The following FAM107B variants were observed in gnomAD, a reference collection of about 807,000 sequenced individuals.
The protein encoded by FAM107B is family with sequence similarity 107 member B.
In FAM107B, 21 loss-of-function variants were observed where a neutral mutation model predicts 31.5. The ratio of observed to expected loss-of-function variants is 0.67; its 90% confidence interval spans 0.47 to 0.96. FAM107B has a LOEUF of 0.96. Ranked by LOEUF, FAM107B falls within the 40% of genes least tolerant of loss-of-function variation. The pLI is 0.00. For synonymous variants in FAM107B, 157 were observed against 141.5 expected (o/e 1.11, Z -0.78); for missense variants, 452 against 377.1 (o/e 1.20, Z -1.64).
Position 14,741,821 on chromosome 10 carries a change from C to T in FAM107B, c.411+32432G>A, listed in dbSNP as rs1027054526. On this transcript the variant is annotated intron_variant, in intron 1 of 4. Coordinates refer to ENST00000181796, the MANE Select transcript of FAM107B (RefSeq NM_031453.4). ...CTGCAAGCTCCGCCTCCTGGGTTCA[C>T]GCCATTCTCCTGCCTCAGCCTCCAC... 8.1e-5 allele frequency among the ~76,000 whole-genome samples: 12 copies of T among 148,510 alleles called. No homozygotes were observed. The East Asian group carries it at 1.0e-3, about 13-fold the overall frequency.
intron 2 of FAM107B, among the ~76,000 whole-genome samples, chr10:14,634,239 AC>A (rs1272269121): frequency 2.0e-5 from 3 of 150,798 alleles, no homozygotes; most frequent in African/African-American, 7.4e-5. Flanking sequence ...TACTAAAATT[AC>A]AAAAAAAAAA....
chr10:14,731,027 G>A lies in FAM107B; in HGVS notation c.411+43226C>T, dbSNP rs1165290946. Among the ~76,000 whole-genome samples the A allele has an allele frequency of 2.6e-5, 4 of 152,182 alleles. No individual in the cohort carries two copies. In the East Asian group the frequency reaches 7.7e-4, roughly 29 times the overall value. ...GGTGCTGTCACCATGACTGGAATCA[G>A]GGAGAGGGCTTAGCAGGCACAGGCG... On this transcript the variant is annotated intron_variant, in intron 1 of 4. Coordinates refer to ENST00000181796, the MANE Select transcript of FAM107B (RefSeq NM_031453.4).
intron 2 of FAM107B, among the ~76,000 whole-genome samples, chr10:14,577,160 C>T (rs1851490816): frequency 6.6e-6 from 1 of 152,244 alleles, no homozygotes; most frequent in South Asian, 2.1e-4. Context: ...CAGGGCCCAA[C>T]TGAGACAATA....
At chr10:14,610,608 G>A (rs1259311578) in intron 2 of FAM107B, among the ~76,000 whole-genome samples, 4 of 152,174 alleles carry the variant, frequency 2.6e-5, no homozygotes, top group African/African-American at 9.7e-5. Flanking sequence ...ATAGTACTTA[G>A]GAAGGATCAA....
chr10:14,717,285 T>A (rs1216073429), intron 1 of FAM107B, among the ~76,000 whole-genome samples: 1 of 152,174 alleles, frequency 6.6e-6, no homozygotes, highest in East Asian at 1.9e-4. Flanking sequence ...CAGGGCTCTC[T>A]AGAGGGACAG....
At chr10:14,564,421 G>A (rs952765547) in intron 2 of FAM107B, among the ~76,000 whole-genome samples, 5 of 150,924 alleles carry the variant, frequency 3.3e-5, no homozygotes, top group Non-Finnish European at 7.4e-5. Context: ...TTTCAAAGCA[G>A]ATACTGCAGG....
chr10:14,588,668 C>G (rs566632048), intron 2 of FAM107B, among the ~76,000 whole-genome samples: 2 of 152,206 alleles, frequency 1.3e-5, no homozygotes, highest in South Asian at 4.1e-4. Flanking sequence ...ACATCCTCTC[C>G]CATGCCACAG....
chr10:14,531,786 G>A (rs1183333813), intron 2 of FAM107B, among the ~76,000 whole-genome samples: 1 of 152,152 alleles, frequency 6.6e-6, no homozygotes, highest in Non-Finnish European at 1.5e-5. Context: ...AGTGAGCCGA[G>A]ATCGCACCAT....
intron 1 of FAM107B, among the ~76,000 whole-genome samples, chr10:14,769,815 A>G (rs925794171): frequency 6.6e-6 from 1 of 152,252 alleles, no homozygotes. Context: ...CTATAGGAAG[A>G]CATTCTCAAA....
In FAM107B at chr10:14,626,499, C is replaced by CTTTTTTTTTTTTTTTTTTTT. The variant is rs71505032; in HGVS notation, c.469+41134_469+41135insAAAAAAAAAAAAAAAAAAAA. ...ACAAACTGTGGAATTTGAGGCGGAT[C>CTTTTTTTTTTTTTTTTTTTT]TTTTTTTTCTTTTTTTTTTTTTGAG... On this transcript the variant is annotated intron_variant, in intron 2 of 4. Coordinates refer to ENST00000181796, the MANE Select transcript of FAM107B (RefSeq NM_031453.4). Among the ~76,000 whole-genome samples, 3 of 109,042 alleles carry CTTTTTTTTTTTTTTTTTTTT rather than the reference C, an allele frequency of 2.8e-5. 1 individual carries two copies. 71.5% of individuals were successfully genotyped at this position (109,042 alleles called of 152,430 possible).
intron 2 of FAM107B, among the ~76,000 whole-genome samples, chr10:14,557,522 T>A (rs1171115777): frequency 3.3e-5 from 5 of 152,200 alleles, no homozygotes; most frequent in Non-Finnish European, 5.9e-5. Flanking sequence ...TGTGCTCTAC[T>A]GTAATGTCTT....
chr10:14,770,970 T>C (rs1343435755), intron 1 of FAM107B, among the ~76,000 whole-genome samples: 1 of 91,410 alleles, frequency 1.1e-5, no homozygotes, highest in Non-Finnish European at 1.9e-5. Context: ...TGTCTGAGGC[T>C]GAACTAAAAA....
In FAM107B at chr10:14,566,009, A is replaced by G. The variant is rs568698073; in HGVS notation, c.470-35494T>C. Among the ~76,000 whole-genome samples the G allele has an allele frequency of 6.6e-5, 10 of 152,214 alleles. No homozygotes were observed. The East Asian group carries it at 1.7e-3, about 26-fold the overall frequency. On this transcript the variant is annotated intron_variant, in intron 2 of 4. Transcript: ENST00000181796. ...GCAGCACTGGCTTCATGGGCATGGG[A>G]CCTTCACAGCCCCCATGCCTGAGGG...
At chr10:14,591,375 G>C (rs11259209) in intron 2 of FAM107B, among the ~76,000 whole-genome samples, 3 of 151,968 alleles carry the variant, frequency 2.0e-5, no homozygotes, top group African/African-American at 7.3e-5. Context: ...AGAAGACCGT[G>C]CAAACGGTAA....
chr10:14,701,714 GTTT>G (rs111354098), intron 1 of FAM107B, among the ~76,000 whole-genome samples: 1 of 146,292 alleles, frequency 6.8e-6, no homozygotes, highest in Non-Finnish European at 1.5e-5. Flanking sequence ...GCAAAGAGTT[GTTT>G]TTTTTTTTTC....
intron 2 of FAM107B, among the ~76,000 whole-genome samples, chr10:14,624,831 A>G (rs1251532120): frequency 1.3e-5 from 2 of 152,258 alleles, no homozygotes; most frequent in Non-Finnish European, 2.9e-5. Flanking sequence ...GCAGAAGCAC[A>G]TACATAAGGA....
At chr10:14,681,662 G>GGAGGAC (rs1363130503) in intron 1 of FAM107B, among the ~76,000 whole-genome samples, 3 of 152,190 alleles carry the variant, frequency 2.0e-5, no homozygotes, top group African/African-American at 7.2e-5. Flanking sequence ...ACCACTGGAT[G>GGAGGAC]GAGGACGTGG....
intron 2 of FAM107B, among the ~76,000 whole-genome samples, chr10:14,649,640 C>A (rs149550221): frequency 2.6e-5 from 4 of 152,328 alleles, no homozygotes; most frequent in East Asian, 3.9e-4. Context: ...GGACACCCCC[C>A]ACTTCGAGTT....
intron 1 of FAM107B, among the ~76,000 whole-genome samples, chr10:14,751,820 G>A (rs1001343038): frequency 6.6e-6 from 1 of 152,010 alleles, no homozygotes; most frequent in Non-Finnish European, 1.5e-5. Context: ...CTGAGAGAAG[G>A]TTGTAACGCA....
Sources: gnomAD v4.1 joint callset for allele counts (sites outside exome capture counted in the v4.1 genomes callset) on GRCh38, gnomAD v4.1.1 for gene constraint, MANE v1.5 for transcripts, NCBI Gene and HGNC (gene_info 2026-07-23, HGNC 2026-07-21) for gene names.